The following ADAMTSL3 variants were observed in gnomAD, a reference collection of about 807,000 sequenced individuals.
The protein encoded by ADAMTSL3 is ADAMTS like 3, also known as ADAMTS-like protein 3.
In ADAMTSL3, 128 loss-of-function variants were observed where a neutral mutation model predicts 201.7. That is an observed-to-expected ratio of 0.63 (90% CI 0.55 to 0.73). The LOEUF is 0.73. ADAMTSL3 is among the 30% of genes least tolerant of loss of function. The pLI, the probability that ADAMTSL3 is intolerant of heterozygous loss-of-function variation, is 0.00. For missense variants in ADAMTSL3, 1,990 were observed against 2,119.6 expected, an observed-to-expected ratio of 0.94 and a Z score of 1.20; for synonymous variants, 738 against 748.4, an observed-to-expected ratio of 0.99 and a Z score of 0.23.
At chr15:83,989,742 C>T (rs894799153) in intron 22 of ADAMTSL3, among the ~76,000 whole-genome samples, 1 of 152,234 alleles carries the variant, frequency 6.6e-6, no homozygotes, top group Non-Finnish European at 1.5e-5. Flanking sequence ...ATTAATCTGG[C>T]AACTAAATAT....
At chr15:84,036,677 G>GTA in intron 28 of ADAMTSL3, 96 bp from the exon 29 acceptor site, 1 of 878,588 alleles carries the variant, frequency 1.1e-6, no homozygotes, top group South Asian at 1.8e-5. Flanking sequence ...TTAATACGTA[G>GTA]TATAGAGTAA....
At chr15:83,751,774 C>G (rs1596140417) in intron 3 of ADAMTSL3, among the ~76,000 whole-genome samples, 1 of 152,150 alleles carries the variant, frequency 6.6e-6, no homozygotes, top group African/African-American at 2.4e-5. Flanking sequence ...ACTTGCTCCT[C>G]ATTCATCCCC....
intron 2 of ADAMTSL3, among the ~76,000 whole-genome samples, chr15:83,700,898 C>G (rs1472586551): frequency 6.6e-6 from 1 of 152,204 alleles, no homozygotes; most frequent in Non-Finnish European, 1.5e-5. Context: ...CTAGTGCTAT[C>G]TAAGCCATCT....
At chr15:83,684,627 G>A (rs1471987665) in intron 2 of ADAMTSL3, among the ~76,000 whole-genome samples, 1 of 152,102 alleles carries the variant, frequency 6.6e-6, no homozygotes, top group Non-Finnish European at 1.5e-5. Context: ...ATTATACTGT[G>A]AGTATTCTGT....
In ADAMTSL3 at chr15:83,937,767, A is replaced by G. The variant is rs374814579; in HGVS notation, c.2118-4829A>G. Among the ~76,000 whole-genome samples, 15 of 151,160 alleles carry G rather than the reference A, an allele frequency of 9.9e-5. No individual in the cohort carries two copies. The East Asian group carries it at 2.9e-3, about 29-fold the overall frequency. On this transcript the variant is annotated intron_variant, in intron 17 of 29. Transcript: ENST00000286744. Reference sequence around the variant, plus strand: ...TCTTTTTGCATGTTAATTGAATGTAAAATTTCTAGAATTCAAAAATAATCT... The same window carrying G: ...TCTTTTTGCATGTTAATTGAATGTAGAATTTCTAGAATTCAAAAATAATCT...
chr15:83,889,122 C>A (rs1175736630), intron 10 of ADAMTSL3, among the ~76,000 whole-genome samples: 1 of 152,132 alleles, frequency 6.6e-6, no homozygotes, highest in Non-Finnish European at 1.5e-5. Flanking sequence ...AAATTTATAG[C>A]ACTCATCTAT....
At chr15:83,949,522 A>G (rs563622550) in intron 19 of ADAMTSL3, among the ~76,000 whole-genome samples, 1 of 152,224 alleles carries the variant, frequency 6.6e-6, no homozygotes, top group East Asian at 1.9e-4. Context: ...TTTGGTATAT[A>G]CCTAGGAGTG....
At chr15:83,720,324 C>T (rs1054011095) in intron 3 of ADAMTSL3, among the ~76,000 whole-genome samples, 1 of 152,094 alleles carries the variant, frequency 6.6e-6, no homozygotes, top group African/African-American at 2.4e-5. Flanking sequence ...ATCAAATTCA[C>T]TAGAAAAAAT....
chr15:83,866,573 C>A (rs948231026), intron 8 of ADAMTSL3, among the ~76,000 whole-genome samples: 10 of 151,158 alleles, frequency 6.6e-5, no homozygotes, highest in Non-Finnish European at 1.0e-4. Flanking sequence ...AACACATGGA[C>A]ACAGGAAGGG....
intron 28 of ADAMTSL3, among the ~76,000 whole-genome samples, chr15:84,033,146 T>C (rs2068439171): frequency 6.6e-6 from 1 of 152,136 alleles, no homozygotes; most frequent in Admixed American, 6.5e-5. Context: ...ACCACCATCG[T>C]ATCTCACCTG....
chr15:83,718,595 A>G (rs770923299), intron 3 of ADAMTSL3, among the ~76,000 whole-genome samples: 7 of 151,378 alleles, frequency 4.6e-5, no homozygotes, highest in South Asian at 2.1e-4. Context: ...AATCCCAGCT[A>G]CACAAGAACT....
At chr15:83,698,600 G>T (rs1380971609) in intron 2 of ADAMTSL3, among the ~76,000 whole-genome samples, 1 of 149,064 alleles carries the variant, frequency 6.7e-6, no homozygotes, top group East Asian at 2.0e-4. Context: ...GACCCCTTTG[G>T]TCACCCCATC....
intron 23 of ADAMTSL3, among the ~76,000 whole-genome samples, chr15:84,008,805 C>T (rs1429483903): frequency 1.3e-5 from 2 of 152,184 alleles, no homozygotes; most frequent in Non-Finnish European, 2.9e-5. Context: ...CAAAACTGCT[C>T]TCCTGAGTTC....
intron 6 of ADAMTSL3, among the ~76,000 whole-genome samples, chr15:83,823,951 T>G (rs866040991): frequency 2.8e-5 from 2 of 72,120 alleles, no homozygotes; most frequent in Non-Finnish European, 3.3e-5. Flanking sequence ...TTCTTCTTCT[T>G]CTTCTTCTTC....
chr15:83,724,628 A>C, intron 3 of ADAMTSL3, among the ~76,000 whole-genome samples: 1 of 152,044 alleles, frequency 6.6e-6, no homozygotes, highest in Non-Finnish European at 1.5e-5. Context: ...GTGCTACCAG[A>C]TACTAGATCT....
chr15:83,826,860 A>G (rs1243065225), intron 6 of ADAMTSL3, among the ~76,000 whole-genome samples: 1 of 152,020 alleles, frequency 6.6e-6, no homozygotes, highest in Admixed American at 6.6e-5. Context: ...TTATGGCTGC[A>G]TAGTATTCCA....
At chr15:83,910,736 G>A (rs1275114986) in intron 15 of ADAMTSL3, among the ~76,000 whole-genome samples, 2 of 151,514 alleles carry the variant, frequency 1.3e-5, no homozygotes, top group Admixed American at 6.6e-5. Flanking sequence ...CTTGGTTCAG[G>A]CGATTCTCCT....
chr15:83,655,361 T>G (rs961647800), intron 1 of ADAMTSL3, among the ~76,000 whole-genome samples: 1 of 152,190 alleles, frequency 6.6e-6, no homozygotes, highest in African/African-American at 2.4e-5. Context: ...TAGACTCATT[T>G]TTGCCGCGAG....
intron 7 of ADAMTSL3, among the ~76,000 whole-genome samples, chr15:83,841,997 C>T (rs1021018988): frequency 6.6e-5 from 10 of 151,436 alleles, no homozygotes; most frequent in East Asian, 4.1e-4. Flanking sequence ...AGCTGCTAAG[C>T]GACCCGACTC....
Sources: allele counts gnomAD v4.1 joint callset (sites outside exome capture counted in the v4.1 genomes callset), GRCh38; gene constraint gnomAD v4.1.1; transcripts MANE v1.5; gene names NCBI Gene and HGNC (gene_info 2026-07-23, HGNC 2026-07-21).